Variants in RBPMS observed in about 807,000 individuals in gnomAD.
RBPMS encodes RNA-binding protein with multiple splicing.
RBPMS carries 7 observed loss-of-function variants against 26.8 expected under a neutral mutation model. The observed-to-expected ratio is 0.26, with a 90% CI of 0.15 to 0.49. The LOEUF (loss-of-function observed/expected upper bound fraction) is 0.49. Among genes scored for constraint, RBPMS ranks in the 20% least tolerant of loss-of-function variants. The pLI is 0.98. For missense variants in RBPMS, 186 were observed against 250.0 expected (o/e 0.74, Z 1.73); for synonymous variants, 96 against 93.3 (o/e 1.03, Z -0.17).
intron 5 of RBPMS, among the ~76,000 whole-genome samples, chr8:30,536,753 A>G (rs1323777060): frequency 6.6e-6 from 1 of 151,494 alleles, no homozygotes; most frequent in Non-Finnish European, 1.5e-5. Flanking sequence ...TTCCTTTTCT[A>G]CTCTTTCTCC....
Position 30,562,125 on chromosome 8 carries a change from G to GT in RBPMS, c.*7+3172dup, listed in dbSNP as rs1479050878. ...GCAGGCGGATCACTTGATGCCAGAA[G>GT]TTTGAGACCAGCCCAGCCAACATGG... is the stretch of plus-strand genomic sequence containing the variant. On this transcript the variant is annotated intron_variant, in intron 7 of 8. Transcript: ENST00000397323. 6 of 739,746 alleles carry GT rather than the reference G, an allele frequency of 8.1e-6. No homozygotes were observed. In the African/African-American group the frequency reaches 1.1e-4, roughly 14 times the overall value. 45.8% of individuals were successfully genotyped at this position (739,746 alleles called of 1,614,324 possible).
At chr8:30,470,833 T>A (rs1209455095) in intron 1 of RBPMS, among the ~76,000 whole-genome samples, 1 of 152,222 alleles carries the variant, frequency 6.6e-6, no homozygotes, top group Non-Finnish European at 1.5e-5. Context: ...AACTTAGGCC[T>A]GACGGGAGCT....
chr8:30,521,955 G>A (rs779708110), intron 5 of RBPMS, among the ~76,000 whole-genome samples: 1 of 152,150 alleles, frequency 6.6e-6, no homozygotes, highest in East Asian at 1.9e-4. Flanking sequence ...TTTTCAGTTA[G>A]GAGAAATAAG....
At chr8:30,446,476 G>T (rs1278366473) in intron 1 of RBPMS, among the ~76,000 whole-genome samples, 2 of 152,174 alleles carry the variant, frequency 1.3e-5, no homozygotes, top group Non-Finnish European at 2.9e-5. Context: ...ATGATAATTA[G>T]TGACAGCATT....
chr8:30,486,427 G>C (rs1045788136), intron 4 of RBPMS, among the ~76,000 whole-genome samples: 3 of 151,080 alleles, frequency 2.0e-5, no homozygotes, highest in Non-Finnish European at 4.4e-5. Flanking sequence ...CTTTTTACCA[G>C]GCTGGCCAAC....
chr8:30,441,098 G>T (rs1334405383), intron 1 of RBPMS, among the ~76,000 whole-genome samples: 1 of 152,020 alleles, frequency 6.6e-6, no homozygotes, highest in African/African-American at 2.4e-5. Context: ...AACTACAGGA[G>T]TGAGCTACCC....
chr8:30,514,548 AT>A (rs551380184), intron 5 of RBPMS, among the ~76,000 whole-genome samples: 18 of 149,826 alleles, frequency 1.2e-4, no homozygotes, highest in East Asian at 1.9e-4. Context: ...ATGTTAATGA[AT>A]TTTTTTTTTA....
chr8:30,434,996 A>ACATCCATC (rs113850134), intron 1 of RBPMS, among the ~76,000 whole-genome samples: 1,672 of 150,504 alleles, frequency 0.011, 26 homozygotes, highest in African/African-American at 0.037. Context: ...TCCAAAGAAG[A>ACATCCATC]CATCCATCCA....
chr8:30,539,602 T>G (rs909834972), intron 5 of RBPMS, among the ~76,000 whole-genome samples: 9 of 151,930 alleles, frequency 5.9e-5, no homozygotes, highest in Admixed American at 6.6e-5. Flanking sequence ...GGTTGATTTT[T>G]TTTTTTAATC....
Position 30,474,794 on chromosome 8 carries a change from G to A in RBPMS, c.82G>A (p.Val28Ile), listed in dbSNP as rs564361009. 1 of 1,611,706 alleles carries A rather than the reference G, an allele frequency of 6.2e-7. No individual in the cohort carries two copies. The highest frequency in any genetic ancestry group is 2.2e-5 in the East Asian group (1 of 44,834). Reference sequence around the variant, plus strand: ...ATTTTTCCAGGTCCGGACCCTATTTGTCAGTGGCCTTCCTCTGGATATCAA... The same window carrying A: ...ATTTTTCCAGGTCCGGACCCTATTTATCAGTGGCCTTCCTCTGGATATCAA... ...LQEEEVRTLFVSGLPLDIKPR... is the reference protein window; with the variant it reads ...LQEEEVRTLFISGLPLDIKPR... The change falls in exon 2 of 9, where the codon GTC becomes ATC. Residue 28 changes from valine (V) to isoleucine (I), a missense_variant. Transcript: ENST00000397323.
At chr8:30,561,179 C>A (rs1208702511) in intron 7 of RBPMS, among the ~76,000 whole-genome samples, 2 of 151,728 alleles carry the variant, frequency 1.3e-5, no homozygotes, top group African/African-American at 4.8e-5. Flanking sequence ...TTTTTTGCTC[C>A]AGGGAATACC....
chr8:30,425,157 A>G (rs11784697), intron 1 of RBPMS, among the ~76,000 whole-genome samples: 62,669 of 151,528 alleles, frequency 0.41, 14,629 homozygotes, highest in East Asian at 0.72. Flanking sequence ...AAGTCTCACT[A>G]TGTTGCCCAG....
At position 30,384,920 on chromosome 8, in the gene RBPMS, C is replaced by G; in HGVS notation, c.-173C>G. The G allele has an allele frequency of 2.5e-6, 1 of 396,602 alleles. No homozygotes were observed. Among genetic ancestry groups the G allele is most frequent in the Non-Finnish European group, 4.4e-6 (1 of 229,430 alleles). 24.6% of individuals were successfully genotyped at this position (396,602 alleles called of 1,614,324 possible). ...GCCGTCGCAGACTCGCCGCGGGAGC[C>G]CCAGCCCAACCCGAGCCCGACAGCC... On this transcript the variant is annotated 5_prime_UTR_variant, in exon 1 of 9. Transcript: ENST00000397323. This position sits in a 1 kb window ranked among gnomAD's most constrained non-coding sequence, Gnocchi z 5.6.
chr8:30,537,907 G>A (rs1824965533), intron 5 of RBPMS, among the ~76,000 whole-genome samples: 4 of 152,228 alleles, frequency 2.6e-5, no homozygotes. Flanking sequence ...TCTAGCCTGA[G>A]TAAAAGGGAT....
intron 1 of RBPMS, among the ~76,000 whole-genome samples, chr8:30,424,893 G>A (rs539711916): frequency 1.4e-4 from 22 of 152,048 alleles, no homozygotes; most frequent in East Asian, 3.9e-4. Flanking sequence ...GGGTACACGC[G>A]CGCACACACA....
Position 30,506,755 on chromosome 8 carries a change from T to TTTATA in RBPMS, c.397+2319_397+2320insTTATA, listed in dbSNP as rs1821107838. 2.0e-5 allele frequency among the ~76,000 whole-genome samples: 3 copies of TTTATA among 152,308 alleles called. No individual in the cohort carries two copies. In the South Asian group the frequency reaches 6.2e-4, roughly 32 times the overall value. On this transcript the variant is annotated intron_variant, in intron 5 of 8. Transcript: ENST00000397323. ...GTTTTTTATAAATGTTTCTTTTGGT[T>TTTATA]ACTGTTTTTATATGGTAGTGGCTGA...
At chr8:30,472,085 C>T (rs1204269001) in intron 1 of RBPMS, among the ~76,000 whole-genome samples, 1 of 152,118 alleles carries the variant, frequency 6.6e-6, no homozygotes, top group African/African-American at 2.4e-5. Flanking sequence ...AGAAAGTATA[C>T]ATCCATACAA....
At chr8:30,450,498 A>G (rs1218132341) in intron 1 of RBPMS, among the ~76,000 whole-genome samples, 1 of 152,194 alleles carries the variant, frequency 6.6e-6, no homozygotes, top group Non-Finnish European at 1.5e-5. Flanking sequence ...CACTTCAGGT[A>G]GAGTCAGTTC....
Position 30,474,714 on chromosome 8 carries a change from T to C in RBPMS, c.67-65T>C, listed in dbSNP as rs1233436697. 4.4e-5 allele frequency: 38 copies of C among 861,306 alleles called. No homozygotes were observed. The East Asian group carries it at 5.8e-4, about 13-fold the overall frequency. 53.4% of individuals were successfully genotyped at this position (861,306 alleles called of 1,614,324 possible). ...TTTGGAATAATATGTTTCTGAGATA[T>C]CAGGTGAGAGTTAACTCTCTGGAGT... On this transcript the variant is annotated intron_variant, in intron 1 of 8. Transcript: ENST00000397323.
Sources: allele counts gnomAD v4.1 joint callset (sites outside exome capture counted in the v4.1 genomes callset), GRCh38; gene constraint gnomAD v4.1.1; non-coding constraint Gnocchi (gnomAD v3.1); transcripts MANE v1.5; gene names NCBI Gene and HGNC (gene_info 2026-07-23, HGNC 2026-07-21).